Variants in PSMD14 observed in about 807,000 individuals in gnomAD.
PSMD14 encodes ubiquitin C-terminal hydrolase PSMD14.
A neutral mutation model predicts 41.2 loss-of-function variants in PSMD14; 7 were observed. The observed-to-expected ratio is 0.17, with a 90% CI of 0.10 to 0.32. The LOEUF (loss-of-function observed/expected upper bound fraction) is 0.32, where lower values mean the gene tolerates loss of function less well. PSMD14 is among the 10% of genes least tolerant of loss of function. PSMD14 has a pLI of 1.00. For synonymous variants in PSMD14, 114 were observed against 122.3 expected, an observed-to-expected ratio of 0.93 and a Z score of 0.45; for missense variants, 139 against 375.6, an observed-to-expected ratio of 0.37 and a Z score of 5.21.
intron 10 of PSMD14, among the ~76,000 whole-genome samples, chr2:161,400,313 A>T (rs770199420): frequency 5.9e-5 from 9 of 152,124 alleles, no homozygotes; most frequent in South Asian, 2.1e-4. Context: ...CAGCCATCTC[A>T]TCTGGGTTTC....
intron 7 of PSMD14, among the ~76,000 whole-genome samples, chr2:161,374,669 G>A (rs1683480140): frequency 6.6e-6 from 1 of 151,944 alleles, no homozygotes; most frequent in Non-Finnish European, 1.5e-5. Context: ...TAGTTCTCAA[G>A]TGGCACAGTG....
intron 10 of PSMD14, among the ~76,000 whole-genome samples, chr2:161,399,381 T>C (rs1683845642): frequency 6.6e-6 from 1 of 152,148 alleles, no homozygotes; most frequent in Non-Finnish European, 1.5e-5. Flanking sequence ...TTTTTACCTA[T>C]AACACAGAGT....
At chr2:161,363,988 G>A (rs968731193) in intron 3 of PSMD14, among the ~76,000 whole-genome samples, 1 of 152,218 alleles carries the variant, frequency 6.6e-6, no homozygotes, top group Non-Finnish European at 1.5e-5. Context: ...TGTATCTGGG[G>A]GTTCTTGCCT....
rs1478633110 is a variant in PSMD14, at chr2:161,346,645, CTGTT to C, written c.49-20830_49-20827del. 4.0e-5 allele frequency among the ~76,000 whole-genome samples: 6 copies of C among 150,970 alleles called. No individual in the cohort carries two copies. The South Asian group carries it at 8.4e-4, about 21-fold the overall frequency. On this transcript the variant is annotated intron_variant, in intron 3 of 11. Coordinates refer to ENST00000409682, the MANE Select transcript of PSMD14 (RefSeq NM_005805.6). ...GGGATGCAGTTGAATTACTTGGAAA[CTGTT>C]TGATTCTTTCTAGTTTTGCTTTTAA...
chr2:161,403,965 A>G (rs72877940), intron 10 of PSMD14, among the ~76,000 whole-genome samples: 20,311 of 151,386 alleles, frequency 0.13, 1,560 homozygotes, highest in East Asian at 0.3. Flanking sequence ...GGGCTGCATG[A>G]TACTATCATA....
intron 3 of PSMD14, among the ~76,000 whole-genome samples, chr2:161,346,836 T>C (rs539155116): frequency 2.0e-5 from 3 of 152,148 alleles, no homozygotes; most frequent in African/African-American, 7.2e-5. Context: ...GAGGTAGGTG[T>C]ACTCTTCCCT....
intron 3 of PSMD14, among the ~76,000 whole-genome samples, chr2:161,320,037 G>A (rs1689186155): frequency 6.6e-6 from 1 of 152,048 alleles, no homozygotes; most frequent in African/African-American, 2.4e-5. Flanking sequence ...AAGCCTCTTT[G>A]AACTTGATCC....
chr2:161,347,271 C>G (rs964517032), intron 3 of PSMD14, among the ~76,000 whole-genome samples: 1 of 152,082 alleles, frequency 6.6e-6, no homozygotes, highest in Admixed American at 6.5e-5. Flanking sequence ...GTTTCTGTTA[C>G]TCTATCTGTC....
At chr2:161,378,411 A>C (rs918063366) in intron 7 of PSMD14, among the ~76,000 whole-genome samples, 1 of 151,994 alleles carries the variant, frequency 6.6e-6, no homozygotes, top group South Asian at 2.1e-4. Context: ...TTTTGTTTAT[A>C]GATAATGGAT....
chr2:161,390,623 A>T (rs936404334), intron 8 of PSMD14, among the ~76,000 whole-genome samples: 2 of 152,176 alleles, frequency 1.3e-5, no homozygotes, highest in Non-Finnish European at 2.9e-5. Flanking sequence ...CCACATAGTT[A>T]ATTTGGAGAC....
chr2:161,381,561 G>C (rs1316720545), intron 7 of PSMD14: 1 of 151,782 alleles, frequency 6.6e-6, no homozygotes, highest in Non-Finnish European at 1.5e-5. Flanking sequence ...TGTAAAAATT[G>C]GGAACTATAG....
chr2:161,361,322 A>C (rs1007582631), intron 3 of PSMD14, among the ~76,000 whole-genome samples: 1 of 152,222 alleles, frequency 6.6e-6, no homozygotes, highest in Non-Finnish European at 1.5e-5. Flanking sequence ...ACACTGTAAT[A>C]GTTCATCTAG....
At chr2:161,389,399 G>A (rs867978030) in intron 8 of PSMD14, among the ~76,000 whole-genome samples, 3 of 152,114 alleles carry the variant, frequency 2.0e-5, no homozygotes, top group East Asian at 1.9e-4. Flanking sequence ...TAATGTACAC[G>A]AATATGAGCA....
At chr2:161,358,973 A>T (rs1451269111) in intron 3 of PSMD14, among the ~76,000 whole-genome samples, 2 of 152,076 alleles carry the variant, frequency 1.3e-5, no homozygotes, top group Admixed American at 1.3e-4. Context: ...TTTGTTGTTT[A>T]TTCAGTTCTT....
At chr2:161,329,139 G>A (rs767712024) in intron 3 of PSMD14, among the ~76,000 whole-genome samples, 5 of 152,078 alleles carry the variant, frequency 3.3e-5, no homozygotes, top group Non-Finnish European at 7.4e-5. Flanking sequence ...TAGAGATGCT[G>A]AGCAAAGGAG....
intron 3 of PSMD14, among the ~76,000 whole-genome samples, chr2:161,322,289 A>C (rs1682619067): frequency 6.6e-6 from 1 of 152,214 alleles, no homozygotes; most frequent in South Asian, 2.1e-4. Flanking sequence ...TGTTGTTTCC[A>C]AGAGACATGA....
At chr2:161,389,407 G>A (rs1295986568) in intron 8 of PSMD14, among the ~76,000 whole-genome samples, 1 of 152,132 alleles carries the variant, frequency 6.6e-6, no homozygotes, top group African/African-American at 2.4e-5. Context: ...ACGAATATGA[G>A]CACAGATTAA....
At chr2:161,367,965 A>G (rs1278282494) in intron 5 of PSMD14, 62 bp downstream of exon 5, 25 of 1,527,668 alleles carry the variant, frequency 1.6e-5, no homozygotes, top group African/African-American at 4.1e-5. Flanking sequence ...TTCTTTTCCT[A>G]TGCAAACTAA....
intron 1 of PSMD14, among the ~76,000 whole-genome samples, chr2:161,310,719 T>C (rs2105226752): frequency 6.6e-6 from 1 of 152,336 alleles, no homozygotes; most frequent in South Asian, 2.1e-4. Context: ...CCCCACTTTA[T>C]AAATGAGGTC....
Sources: gnomAD v4.1 joint callset for allele counts (sites outside exome capture counted in the v4.1 genomes callset) on GRCh38, gnomAD v4.1.1 for gene constraint, MANE v1.5 for transcripts, NCBI Gene and HGNC (gene_info 2026-07-23, HGNC 2026-07-21) for gene names.